Variants in ARHGEF16 observed in about 807,000 individuals in gnomAD.
ARHGEF16 encodes Rho guanine exchange factor (GEF) 16.
A neutral mutation model predicts 74.1 loss-of-function variants in ARHGEF16; 59 were observed. That is an observed-to-expected ratio of 0.80 (90% CI 0.65 to 0.99). ARHGEF16 has a LOEUF of 0.99. ARHGEF16 is among the 50% of genes least tolerant of loss of function. ARHGEF16 has a pLI of 0.00. For missense variants in ARHGEF16, 948 were observed against 986.6 expected, an observed-to-expected ratio of 0.96 and a Z score of 0.52; for synonymous variants, 415 against 412.6, an observed-to-expected ratio of 1.01 and a Z score of -0.07.
Position 3,478,505 on chromosome 1 carries a change from G to A in ARHGEF16, c.1707G>A (p.Leu569=). The change falls in exon 12 of 15, where the codon CTG becomes CTA. Residue 569 remains leucine, a synonymous_variant. Coordinates refer to ENST00000378378, the MANE Select transcript of ARHGEF16 (RefSeq NM_014448.4). ...VEKIEPSELP[L]PGGGNRSSSV... ...AGATAGAGCCGTCTGAGCTCCCTCT[G>A]CCCGGGGGCGGCAACCGTAGCTCCT... 6.2e-7 allele frequency: 1 copy of A among 1,612,666 alleles called. No individual in the cohort carries two copies. The highest frequency in any genetic ancestry group is 8.5e-7 in the Non-Finnish European group (1 of 1,179,852).
intron 1 of ARHGEF16, among the ~76,000 whole-genome samples, chr1:3,456,782 C>T (rs1435801650): frequency 1.3e-5 from 2 of 152,208 alleles, no homozygotes; most frequent in African/African-American, 2.4e-5. Context: ...GGGGGAACCC[C>T]GTGAGTGGCA....
intron 4 of ARHGEF16, 101 bp from the exon 5 acceptor site, chr1:3,468,779 T>C: frequency 7.3e-7 from 1 of 1,376,218 alleles, no homozygotes; most frequent in Admixed American, 2.0e-5. Context: ...GGGGTGGCTG[T>C]CCATGTTGGC....
chr1:3,472,174 G>A (rs1639744420), intron 6 of ARHGEF16, among the ~76,000 whole-genome samples: 1 of 152,256 alleles, frequency 6.6e-6, no homozygotes, highest in Admixed American at 6.5e-5. Context: ...AGACACGGAT[G>A]TGGTCTCGGG....
intron 1 of ARHGEF16, among the ~76,000 whole-genome samples, chr1:3,461,816 C>T (rs945630987): frequency 9.9e-5 from 15 of 152,180 alleles, no homozygotes; most frequent in African/African-American, 3.4e-4. Context: ...CCTGGCCACG[C>T]GTGCCTATAG....
At position 3,468,946 on chromosome 1, in the gene ARHGEF16, C is replaced by T; in HGVS notation, c.861+10C>T. Reference sequence around the variant, plus strand: ...GCGGAAAAGGCAGGAGGTAAAAGGGCCCTGGGCGGGAGGGCTGTCCCCCAT... The same window carrying T: ...GCGGAAAAGGCAGGAGGTAAAAGGGTCCTGGGCGGGAGGGCTGTCCCCCAT... On this transcript the variant is annotated intron_variant, in intron 5 of 14. Transcript: ENST00000378378. 1.3e-6 allele frequency: 2 copies of T among 1,549,860 alleles called. No homozygotes were observed. Among genetic ancestry groups the T allele is most frequent in the Non-Finnish European group, 1.7e-6 (2 of 1,146,792 alleles).
chr1:3,466,175 A>G lies in ARHGEF16; in HGVS notation c.616A>G (p.Lys206Glu), dbSNP rs1639538070. 1.9e-6 allele frequency: 3 copies of G among 1,545,918 alleles called. No individual in the cohort carries two copies. Among genetic ancestry groups the G allele is most frequent in the South Asian group, 1.2e-5 (1 of 83,186 alleles). Reference sequence around the variant, plus strand: ...GACGCTGGGGAGGAAACGTGGGCACAAGGGTTCCTTCAAGGACGGTGAGTG... The same window carrying G: ...GACGCTGGGGAGGAAACGTGGGCACGAGGGTTCCTTCAAGGACGGTGAGTG... ...KKTLGRKRGH[K>E]GSFKDDPQLY... The change falls in exon 3 of 15, where the codon AAG becomes GAG. Residue 206 changes from lysine to glutamate, a missense_variant. Lys to Glu is a moderately conservative substitution (Grantham distance 56, BLOSUM62 1). Coordinates refer to ENST00000378378, the MANE Select transcript of ARHGEF16 (RefSeq NM_014448.4).
At chr1:3,466,879 TC>T in intron 3 of ARHGEF16, 2 of 327,394 alleles carry the variant, frequency 6.1e-6, no homozygotes, top group South Asian at 8.0e-5. Flanking sequence ...CTGGGAAGTG[TC>T]CCCAGGAGGC....
intron 6 of ARHGEF16, among the ~76,000 whole-genome samples, chr1:3,471,151 G>A (rs1229706122): frequency 6.6e-6 from 1 of 151,864 alleles, no homozygotes; most frequent in Non-Finnish European, 1.5e-5. Context: ...TGCCTGGGCA[G>A]GGGTATGTGT....
At chr1:3,478,908 A>C (rs1241385525) in intron 12 of ARHGEF16, among the ~76,000 whole-genome samples, 2 of 152,060 alleles carry the variant, frequency 1.3e-5, no homozygotes, top group Non-Finnish European at 2.9e-5. Flanking sequence ...AGCTTAGCCC[A>C]TGTGAGCAGA....
chr1:3,467,474 C>A (rs1467042163), intron 4 of ARHGEF16, 137 bp downstream of exon 4: 1 of 1,103,792 alleles, frequency 9.1e-7, no homozygotes, highest in Non-Finnish European at 1.3e-6. Context: ...GCAGCCTTCC[C>A]AGAAGCCCCT....
intron 10 of ARHGEF16, among the ~76,000 whole-genome samples, chr1:3,476,893 G>A (rs551363708): frequency 2.6e-5 from 4 of 152,178 alleles, no homozygotes; most frequent in Admixed American, 1.3e-4. Flanking sequence ...ACTTCGCGCC[G>A]CTGTCGCTGA....
chr1:3,466,257 C>G, intron 3 of ARHGEF16, 64 bp downstream of exon 3: 1 of 1,483,990 alleles, frequency 6.7e-7, no homozygotes, highest in South Asian at 1.3e-5. Flanking sequence ...CACTGGGGCA[C>G]CCTGGGGTTC....
At chr1:3,473,656 G>T (rs768486096) in intron 8 of ARHGEF16, 134 bp downstream of exon 8, 30 of 1,403,634 alleles carry the variant, frequency 2.1e-5, no homozygotes, top group Non-Finnish European at 2.8e-5. Flanking sequence ...TAATAGTTAC[G>T]ATCCTAAGAT....
intron 14 of ARHGEF16, 74 bp downstream of exon 14, chr1:3,479,987 G>A: frequency 6.8e-7 from 1 of 1,459,872 alleles, no homozygotes; most frequent in Non-Finnish European, 9.5e-7. Context: ...AGCCTGGCCA[G>A]GTCCAGAGCA....
At position 3,473,378 on chromosome 1, in the gene ARHGEF16, C is replaced by T; in HGVS notation, c.1176-15C>T. On this transcript the variant is annotated splice_polypyrimidine_tract_variant and intron_variant, in intron 7 of 14. Coordinates refer to ENST00000378378, the MANE Select transcript of ARHGEF16 (RefSeq NM_014448.4). Reference sequence around the variant, plus strand: ...GCCATGCAGAGCCTGGAAGGACAGCCTTGTCCTCTTGCAGAAGCAGCAACG... The same window carrying T: ...GCCATGCAGAGCCTGGAAGGACAGCTTTGTCCTCTTGCAGAAGCAGCAACG... The T allele has an allele frequency of 6.3e-7, 1 of 1,598,390 alleles. No individual in the cohort carries two copies.
intron 10 of ARHGEF16, 46 bp from the exon 11 acceptor site, chr1:3,477,829 C>G (rs1569879300): frequency 6.2e-7 from 1 of 1,600,734 alleles, no homozygotes; most frequent in Non-Finnish European, 8.5e-7. Flanking sequence ...CTCTGTCCCC[C>G]CCAGTCCCTC....
At position 3,480,689 on chromosome 1, in the gene ARHGEF16, T is replaced by C. The variant is rs1339701564; in HGVS notation, c.*102T>C. On this transcript the variant is annotated 3_prime_UTR_variant, in exon 15 of 15. Coordinates refer to ENST00000378378, the MANE Select transcript of ARHGEF16 (RefSeq NM_014448.4). ...GGGAGCTGGTCTCAAGGACCCAGCA[T>C]GGTTCCCTGGGGCTTCCCAAGAGCC... is the stretch of plus-strand genomic sequence containing the variant. 2.1e-6 allele frequency: 3 copies of C among 1,448,246 alleles called. No homozygotes were observed. The highest frequency in any genetic ancestry group is 2.8e-6 in the Non-Finnish European group (3 of 1,084,272). The allele number at this position is 1,448,246 out of a possible 1,614,324, so 89.7% of individuals were successfully genotyped here.
chr1:3,478,724 C>T, intron 12 of ARHGEF16, 112 bp downstream of exon 12: 1 of 1,237,658 alleles, frequency 8.1e-7, no homozygotes, highest in Non-Finnish European at 1.1e-6. Context: ...TGAACGCCCA[C>T]CGTGCACCTG....
intron 1 of ARHGEF16, among the ~76,000 whole-genome samples, chr1:3,457,851 G>C (rs555071698): frequency 6.6e-6 from 1 of 152,332 alleles, no homozygotes; most frequent in African/African-American, 2.4e-5. Flanking sequence ...GGGGATACCA[G>C]GTGGGGTATT....
Sources: allele counts gnomAD v4.1 joint callset (sites outside exome capture counted in the v4.1 genomes callset), GRCh38; gene constraint gnomAD v4.1.1; transcripts MANE v1.5; gene names NCBI Gene and HGNC (gene_info 2026-07-23, HGNC 2026-07-21).